Variants in KAZN observed in about 807,000 individuals in gnomAD.
KAZN encodes the protein kazrin.
KAZN carries 40 observed loss-of-function variants against 87.4 expected under a neutral mutation model. That is an observed-to-expected ratio of 0.46 (90% CI 0.36 to 0.60). The LOEUF (loss-of-function observed/expected upper bound fraction) is 0.60, where lower values mean the gene tolerates loss of function less well. KAZN is among the 20% of genes least tolerant of loss of function. KAZN has a pLI of 0.00. For synonymous variants in KAZN, 466 were observed against 458.3 expected (o/e 1.02, Z -0.22); for missense variants, 898 against 1,073.9 (o/e 0.84, Z 2.29).
chr1:14,211,799 CT>C, intron 2 of KAZN, among the ~76,000 whole-genome samples: 1 of 152,188 alleles, frequency 6.6e-6, no homozygotes, highest in African/African-American at 2.4e-5. Flanking sequence ...CAGCTTACCA[CT>C]TGTTATAGTT....
At chr1:14,367,033 T>A (rs2101001232) in intron 2 of KAZN, among the ~76,000 whole-genome samples, 1 of 152,250 alleles carries the variant, frequency 6.6e-6, no homozygotes, top group Non-Finnish European at 1.5e-5. Context: ...AGTTCAAGAC[T>A]AGCCTGGCCA....
rs533693794 is a variant in KAZN at position 14,618,226 on chromosome 1, G to A, written c.226+19003G>A. On this transcript the variant is annotated intron_variant, in intron 1 of 14. Transcript: ENST00000376030. Reference sequence around the variant, plus strand: ...ACTGGGGCATGGCCCCAGCCCCGGCGTGTTCTAGTGATGAGAGTGAGGATT... The same window carrying A: ...ACTGGGGCATGGCCCCAGCCCCGGCATGTTCTAGTGATGAGAGTGAGGATT... 1.3e-4 allele frequency among the ~76,000 whole-genome samples: 20 copies of A among 152,304 alleles called. No individual in the cohort carries two copies. In the East Asian group the frequency reaches 1.7e-3, roughly 13 times the overall value.
At chr1:14,759,862 G>A (rs1644686954) in intron 1 of KAZN, among the ~76,000 whole-genome samples, 1 of 151,950 alleles carries the variant, frequency 6.6e-6, no homozygotes, top group Admixed American at 6.6e-5. Flanking sequence ...TGTGCACCAC[G>A]CTTGCCTGCC....
At chr1:14,953,960 A>G (rs1403326335) in intron 1 of KAZN, among the ~76,000 whole-genome samples, 1 of 152,242 alleles carries the variant, frequency 6.6e-6, no homozygotes, top group Admixed American at 6.5e-5. Context: ...CATTTTTAGA[A>G]AGTGGGACTC....
intron 1 of KAZN, among the ~76,000 whole-genome samples, chr1:14,081,658 G>A (rs1206912989): frequency 2.0e-5 from 3 of 152,164 alleles, no homozygotes; most frequent in Non-Finnish European, 4.4e-5. Context: ...CTGAAGGTCT[G>A]TGGCCAATCC....
chr1:14,792,509 G>A (rs1645704853), intron 1 of KAZN, among the ~76,000 whole-genome samples: 1 of 152,106 alleles, frequency 6.6e-6, no homozygotes, highest in Non-Finnish European at 1.5e-5. Context: ...AAGCCCAGAG[G>A]GTCCCTTACC....
chr1:14,971,469 C>T (rs1665022395), intron 2 of KAZN, among the ~76,000 whole-genome samples: 1 of 152,114 alleles, frequency 6.6e-6, no homozygotes, highest in Non-Finnish European at 1.5e-5. Flanking sequence ...AAAGCTTGAT[C>T]CCTAATGAGT....
chr1:14,810,696 C>T (rs1021264988), intron 1 of KAZN, among the ~76,000 whole-genome samples: 5 of 152,182 alleles, frequency 3.3e-5, no homozygotes, highest in East Asian at 1.9e-4. Flanking sequence ...CTGCCGGATT[C>T]CAGGGTGTGG....
chr1:14,792,341 C>T (rs1306672924), intron 1 of KAZN, among the ~76,000 whole-genome samples: 1 of 152,172 alleles, frequency 6.6e-6, no homozygotes. Flanking sequence ...TGTCCAACAA[C>T]AGATGTATGG....
intron 2 of KAZN, among the ~76,000 whole-genome samples, chr1:14,403,074 C>A (rs1201718387): frequency 6.6e-6 from 1 of 152,248 alleles, no homozygotes; most frequent in East Asian, 1.9e-4. Flanking sequence ...TGATCCACCC[C>A]CTTGGCCTCC....
chr1:14,171,420 G>T (rs1645951740), intron 1 of KAZN, among the ~76,000 whole-genome samples: 1 of 152,118 alleles, frequency 6.6e-6, no homozygotes, highest in Admixed American at 6.5e-5. Context: ...ACCTATGAGG[G>T]TTCCCATTTC....
At chr1:13,978,761 C>T (rs1449329109) in intron 1 of KAZN, among the ~76,000 whole-genome samples, 1 of 151,886 alleles carries the variant, frequency 6.6e-6, no homozygotes, top group African/African-American at 2.4e-5. Context: ...AGAAGTCAAA[C>T]ATATGTGTAG....
intron 2 of KAZN, among the ~76,000 whole-genome samples, chr1:14,985,245 T>TGGTGGGAGGCCAA (rs67978474): frequency 0.11 from 16,191 of 142,280 alleles, 1,259 homozygotes; most frequent in African/African-American, 0.15. Context: ...CCCAGAACTT[T>TGGTGGGAGGCCAA]GGTGGGAGGC....
chr1:14,429,642 TG>T (rs1665932869), intron 2 of KAZN, among the ~76,000 whole-genome samples: 1 of 152,048 alleles, frequency 6.6e-6, no homozygotes, highest in Admixed American at 6.6e-5. Flanking sequence ...AGTGCAACCA[TG>T]GAAACAAATG....
chr1:14,576,072 T>C (rs1369912504), intron 2 of KAZN, among the ~76,000 whole-genome samples: 1 of 152,172 alleles, frequency 6.6e-6, no homozygotes, highest in Non-Finnish European at 1.5e-5. Context: ...AGCCCATAAC[T>C]TGGAGTTGGG....
At chr1:15,052,645 T>TGAAAGCAGGTGC in intron 4 of KAZN, among the ~76,000 whole-genome samples, 1 of 152,208 alleles carries the variant, frequency 6.6e-6, no homozygotes, top group East Asian at 1.9e-4. Context: ...TACGTGGGTG[T>TGAAAGCAGGTGC]GAAAGCAGGT....
chr1:14,049,438 C>T (rs1020932253), intron 1 of KAZN, among the ~76,000 whole-genome samples: 2 of 152,164 alleles, frequency 1.3e-5, no homozygotes, highest in Non-Finnish European at 2.9e-5. Flanking sequence ...GCACGTTGTG[C>T]ACATGTACCC....
At chr1:14,587,720 G>A (rs1362538040) in intron 2 of KAZN, among the ~76,000 whole-genome samples, 1 of 152,112 alleles carries the variant, frequency 6.6e-6, no homozygotes, top group Non-Finnish European at 1.5e-5. Flanking sequence ...TACTAAGTCG[G>A]TCATAAGACA....
At chr1:14,803,569 C>T (rs772078548) in intron 1 of KAZN, among the ~76,000 whole-genome samples, 18 of 152,234 alleles carry the variant, frequency 1.2e-4, no homozygotes, top group Non-Finnish European at 1.8e-4. Context: ...CCTGAGTGCC[C>T]GTGGCTCTGG....
Sources: gnomAD v4.1 joint callset for allele counts (sites outside exome capture counted in the v4.1 genomes callset) on GRCh38, gnomAD v4.1.1 for gene constraint, MANE v1.5 for transcripts, NCBI Gene and HGNC (gene_info 2026-07-23, HGNC 2026-07-21) for gene names.